POLA1: variants seen among roughly 807,000 people sequenced by gnomAD.
POLA1 encodes the protein DNA polymerase alpha catalytic subunit.
Under a neutral mutation model 124.0 loss-of-function variants are expected in POLA1, and 15 were observed. That is an observed-to-expected ratio of 0.12 (90% CI 0.08 to 0.19). POLA1 has a LOEUF of 0.19. Among genes scored for constraint, POLA1 ranks in the 10% least tolerant of loss-of-function variants. The pLI, the probability that POLA1 is intolerant of heterozygous loss-of-function variation, is 1.00. For synonymous variants in POLA1, 408 were observed against 389.4 expected, an observed-to-expected ratio of 1.05 and a Z score of -0.56; for missense variants, 886 against 1,103.4, an observed-to-expected ratio of 0.80 and a Z score of 2.79.
intron 26 of POLA1, among the ~76,000 whole-genome samples, chrX:24,759,100 G>A (rs964090416): frequency 8.9e-6 from 1 of 111,821 alleles, no homozygotes; most frequent in Admixed American, 9.5e-5. Context: ...TGGTCCTGGG[G>A]TTGTGAGTTG....
At chrX:24,928,992 C>G (rs1278543079) in intron 35 of POLA1, among the ~76,000 whole-genome samples, 1 of 111,666 alleles carries the variant, frequency 9.0e-6, no homozygotes, top group Non-Finnish European at 1.9e-5. Context: ...TGGGTTTGTT[C>G]CTGCTACCGA....
At chrX:24,713,401 T>C (rs1929604851) in intron 4 of POLA1, among the ~76,000 whole-genome samples, 1 of 111,455 alleles carries the variant, frequency 9.0e-6, no homozygotes, top group Admixed American at 9.5e-5. Flanking sequence ...AGAGAAAACA[T>C]ATGGCAAAAG....
At chrX:24,801,478 T>A (rs1480564261) in intron 26 of POLA1, among the ~76,000 whole-genome samples, 1 of 111,845 alleles carries the variant, frequency 8.9e-6, no homozygotes, top group Non-Finnish European at 1.9e-5. Flanking sequence ...TGCCTATAAT[T>A]TGCTTATGGT....
chrX:24,856,656 T>G (rs780168233), intron 34 of POLA1, among the ~76,000 whole-genome samples: 20 of 111,361 alleles, frequency 1.8e-4, no homozygotes, highest in Non-Finnish European at 2.8e-4. Context: ...CACTGGCACT[T>G]GATATTGTTG....
chrX:24,709,788 G>A (rs1441031566), intron 4 of POLA1, among the ~76,000 whole-genome samples: 3 of 58,566 alleles, frequency 5.1e-5, no homozygotes, highest in Admixed American at 1.9e-4. Flanking sequence ...CATCTCAGAC[G>A]ATGGGCGGCC....
At chrX:24,911,448 T>C (rs1167769765) in intron 35 of POLA1, among the ~76,000 whole-genome samples, 1 of 111,144 alleles carries the variant, frequency 9.0e-6, no homozygotes, top group African/African-American at 3.3e-5. Flanking sequence ...AGTAGGATGA[T>C]GCAGGTAAAG....
intron 36 of POLA1, among the ~76,000 whole-genome samples, chrX:24,963,458 T>A (rs746604834): frequency 7.2e-5 from 8 of 111,570 alleles, no homozygotes; most frequent in Non-Finnish European, 1.5e-4. Context: ...AAAACCTGGG[T>A]TCCTGTTGTA....
chrX:24,794,177 C>T (rs577084689), intron 26 of POLA1, among the ~76,000 whole-genome samples: 2 of 110,984 alleles, frequency 1.8e-5, no homozygotes, highest in Non-Finnish European at 3.8e-5. Context: ...TGGTGTTTCA[C>T]CATGTTGGCC....
intron 29 of POLA1, among the ~76,000 whole-genome samples, chrX:24,813,263 A>AT (rs1261457110): frequency 9.0e-6 from 1 of 110,644 alleles, no homozygotes; most frequent in Non-Finnish European, 1.9e-5. Context: ...AATTGTTAAG[A>AT]TTTTCCCATT....
intron 35 of POLA1, among the ~76,000 whole-genome samples, chrX:24,920,435 G>T (rs1395284520): frequency 9.0e-6 from 1 of 111,408 alleles, no homozygotes; most frequent in Non-Finnish European, 1.9e-5. Context: ...ATTGTAGCCT[G>T]TGTGAGGGAG....
At chrX:24,813,985 A>G (rs898126441) in intron 29 of POLA1, among the ~76,000 whole-genome samples, 9 of 111,828 alleles carry the variant, frequency 8.0e-5, no homozygotes, top group Admixed American at 2.8e-4. Flanking sequence ...TCCTCTTGCT[A>G]TCAAGTTGGG....
chrX:24,890,489 T>C (rs1016015564), intron 35 of POLA1, among the ~76,000 whole-genome samples: 24 of 112,279 alleles, frequency 2.1e-4, no homozygotes, highest in African/African-American at 5.5e-4. Flanking sequence ...AATATTTTTC[T>C]GCTTAAATGA....
At position 24,843,619 on chromosome X, in the gene POLA1, T is replaced by C. The variant is rs1192633963; in HGVS notation, c.3989T>C (p.Val1330Ala). Reference sequence around the variant, plus strand: ...AAGGCTTCACCTCTGACCTTTACAGTACAACTGAGCAACAAATTGATCATG... The same window carrying C: ...AAGGCTTCACCTCTGACCTTTACAGCACAACTGAGCAACAAATTGATCATG... ...DCKASPLTFT[V>A]QLSNKLIMDI... The change falls in exon 34 of 37, where the codon GTA (valine) becomes GCA (alanine). Residue 1330 changes from valine to alanine, a missense_variant. Val to Ala is a moderately conservative substitution (Grantham distance 64). This residue lies in a region of POLA1 where 313 missense variants were observed against 359.7 expected (regional missense o/e 0.87). Transcript: ENST00000379068. The C allele has an allele frequency of 1.7e-6, 2 of 1,184,241 alleles. No homozygotes were observed. Among genetic ancestry groups the C allele is most frequent in the Admixed American group, 2.2e-5 (1 of 44,982 alleles).
chrX:24,969,828 A>C (rs777703174), intron 36 of POLA1, among the ~76,000 whole-genome samples: 9 of 109,992 alleles, frequency 8.2e-5, no homozygotes, highest in African/African-American at 3.0e-4. Flanking sequence ...GCCCCCTCTG[A>C]CAGCCCCTCC....
chrX:24,961,115 C>T (rs1382734920), intron 36 of POLA1, among the ~76,000 whole-genome samples: 1 of 111,526 alleles, frequency 9.0e-6, no homozygotes, highest in East Asian at 2.8e-4. Flanking sequence ...CCTTTCATGA[C>T]CTTGTGACTG....
At chrX:24,756,145 A>G (rs1163197985) in intron 26 of POLA1, among the ~76,000 whole-genome samples, 1 of 112,243 alleles carries the variant, frequency 8.9e-6, no homozygotes, top group African/African-American at 3.2e-5. Flanking sequence ...CCCATGGTCT[A>G]AAAGATAGTC....
At chrX:24,705,736 A>G (rs1928761688) in intron 4 of POLA1, among the ~76,000 whole-genome samples, 1 of 106,795 alleles carries the variant, frequency 9.4e-6, no homozygotes, top group South Asian at 4.2e-4. Context: ...CTTTCATGAC[A>G]TTGATTTTTA....
chrX:24,821,601 G>A lies in POLA1; in HGVS notation c.3561+18G>A, dbSNP rs1250943442. 6.9e-6 allele frequency: 8 copies of A among 1,160,430 alleles called. No homozygotes were observed. Among genetic ancestry groups the A allele is most frequent in the South Asian group, 1.9e-5 (1 of 52,493 alleles). On this transcript the variant is annotated intron_variant, in intron 31 of 36. Coordinates refer to ENST00000379068, the MANE Select transcript of POLA1 (RefSeq NM_001330360.2). Reference sequence around the variant, plus strand: ...TCTGTCAGGTAAACTATTGACATTCGTAAGACTCTGACACCTCTTAAGAAC... The same window carrying A: ...TCTGTCAGGTAAACTATTGACATTCATAAGACTCTGACACCTCTTAAGAAC...
At chrX:24,699,913 T>G (rs1034177529) in intron 2 of POLA1, among the ~76,000 whole-genome samples, 2 of 105,624 alleles carry the variant, frequency 1.9e-5, no homozygotes, top group Admixed American at 1.0e-4. Context: ...GCAGTCTAAG[T>G]GCTACTTCTT....
Sources: gnomAD v4.1 joint callset for allele counts (sites outside exome capture counted in the v4.1 genomes callset) on GRCh38, gnomAD v4.1.1 for gene constraint, gnomAD v4.1.1 regional missense constraint, MANE v1.5 for transcripts, NCBI Gene and HGNC (gene_info 2026-07-23, HGNC 2026-07-21) for gene names.